The following PPM1H variants were observed in gnomAD, a reference collection of about 807,000 sequenced individuals.
PPM1H encodes the protein protein phosphatase, Mg2+/Mn2+ dependent 1H, also known as protein phosphatase 1H.
In PPM1H, 27 loss-of-function variants were observed where a neutral mutation model predicts 54.9. The ratio of observed to expected loss-of-function variants is 0.49; its 90% CI spans 0.36 to 0.68. The LOEUF is 0.68. Ranked by LOEUF, PPM1H falls within the 30% of genes least tolerant of loss-of-function variation. PPM1H has a pLI of 0.00. For synonymous variants in PPM1H, 305 were observed against 270.8 expected (o/e 1.13, Z -1.24); for missense variants, 596 against 667.8 (o/e 0.89, Z 1.19).
chr12:62,747,185 C>T (rs1245374634), intron 4 of PPM1H, among the ~76,000 whole-genome samples: 2 of 151,078 alleles, frequency 1.3e-5, no homozygotes, highest in Non-Finnish European at 2.9e-5. Flanking sequence ...CTCCCAGGCT[C>T]GAGTGCAATG....
chr12:62,888,488 A>G (rs889037734), intron 1 of PPM1H, among the ~76,000 whole-genome samples: 3 of 152,176 alleles, frequency 2.0e-5, no homozygotes, highest in African/African-American at 7.2e-5. Flanking sequence ...AGGAAGAGCC[A>G]GCAAAGGAAA....
intron 9 of PPM1H, among the ~76,000 whole-genome samples, chr12:62,657,319 T>C (rs2075850272): frequency 6.6e-6 from 1 of 152,220 alleles, no homozygotes; most frequent in Non-Finnish European, 1.5e-5. Context: ...GGGGGCATAA[T>C]AGACTATTTC....
At chr12:62,819,130 CTTTTT>C (rs34661742) in intron 2 of PPM1H, among the ~76,000 whole-genome samples, 1 of 113,838 alleles carries the variant, frequency 8.8e-6, no homozygotes, top group Non-Finnish European at 1.8e-5. Flanking sequence ...CAAAACATTG[CTTTTT>C]TTTTTTTTTT....
intron 4 of PPM1H, among the ~76,000 whole-genome samples, chr12:62,785,876 A>AG (rs1012880666): frequency 6.6e-5 from 10 of 150,522 alleles, no homozygotes; most frequent in South Asian, 2.1e-4. Context: ...AAAAAAAAAA[A>AG]AGAGAGAAAA....
chr12:62,851,943 C>A lies in PPM1H; in HGVS notation c.246-19664G>T, dbSNP rs201978687. Among the ~76,000 whole-genome samples the A allele has an allele frequency of 4.0e-5, 6 of 151,190 alleles. No individual in the cohort carries two copies. In the East Asian group the frequency reaches 1.2e-3, roughly 30 times the overall value. ...AATAGGATGCTGTTAAGAGATGGGG[C>A]TTTTGGATGGCCGGGCGCGGTGGCT... On this transcript the variant is annotated intron_variant, in intron 1 of 9. Coordinates refer to ENST00000228705, the MANE Select transcript of PPM1H (RefSeq NM_020700.2).
chr12:62,782,588 G>A (rs1015502648), intron 4 of PPM1H, among the ~76,000 whole-genome samples: 2 of 152,102 alleles, frequency 1.3e-5, no homozygotes, highest in Non-Finnish European at 2.9e-5. Context: ...AAGAGCTAAT[G>A]AATGACACAT....
chr12:62,835,099 G>A (rs574929704), intron 1 of PPM1H, among the ~76,000 whole-genome samples: 106 of 152,192 alleles, frequency 7.0e-4, no homozygotes, highest in South Asian at 2.1e-3. Flanking sequence ...CTTTGGTTTC[G>A]TTTTTTGAAC....
intron 9 of PPM1H, among the ~76,000 whole-genome samples, chr12:62,664,217 G>A (rs551515455): frequency 6.6e-6 from 1 of 152,240 alleles, no homozygotes; most frequent in East Asian, 1.9e-4. Flanking sequence ...GGCATAGAGG[G>A]ATAATAGTCA....
intron 2 of PPM1H, among the ~76,000 whole-genome samples, chr12:62,803,851 T>G (rs978582581): frequency 2.0e-5 from 3 of 152,102 alleles, no homozygotes; most frequent in African/African-American, 7.2e-5. Flanking sequence ...CCTACAATTC[T>G]ATTGCAAACA....
At chr12:62,782,492 T>C (rs1282101210) in intron 4 of PPM1H, among the ~76,000 whole-genome samples, 1 of 152,120 alleles carries the variant, frequency 6.6e-6, no homozygotes, top group Non-Finnish European at 1.5e-5. Context: ...TGTGGAAAAC[T>C]AAAAAGGAGT....
intron 1 of PPM1H, among the ~76,000 whole-genome samples, chr12:62,864,066 G>A (rs1363134338): frequency 6.6e-6 from 1 of 152,224 alleles, no homozygotes; most frequent in Non-Finnish European, 1.5e-5. Context: ...GACAATGTCT[G>A]AAGACAGTTT....
intron 1 of PPM1H, among the ~76,000 whole-genome samples, chr12:62,933,144 G>C (rs982534739): frequency 3.9e-5 from 6 of 152,054 alleles, no homozygotes; most frequent in Admixed American, 2.0e-4. Flanking sequence ...AATTTTTACT[G>C]TCTGAGCTCC....
rs1259692398 is a variant in PPM1H, at chr12:62,928,513, A to ACTC, written c.245+5978_245+5979insGAG. ...AAGTCAGAATGAAAATCACAGTTAAATAACTGCAGTCCCACCTACTCTCTC... is the reference window on the plus strand; with the variant it reads ...AAGTCAGAATGAAAATCACAGTTAAACTCTAACTGCAGTCCCACCTACTCTCTC... On this transcript the variant is annotated intron_variant, in intron 1 of 9. Coordinates refer to ENST00000228705, the MANE Select transcript of PPM1H (RefSeq NM_020700.2). Among the ~76,000 whole-genome samples, 5 of 152,188 alleles carry ACTC rather than the reference A, an allele frequency of 3.3e-5. No individual in the cohort carries two copies. The East Asian group carries it at 9.6e-4, about 29-fold the overall frequency.
chr12:62,934,417 G>T lies in PPM1H; in HGVS notation c.245+75C>A. ...GAGAGCCCTGAGGCCGAGAAGCAGGGAGAGAAGAGGGCTGGAACCGTGCGG... is the reference window on the plus strand; with the variant it reads ...GAGAGCCCTGAGGCCGAGAAGCAGGTAGAGAAGAGGGCTGGAACCGTGCGG... On this transcript the variant is annotated intron_variant, in intron 1 of 9. Transcript: ENST00000228705. This position sits in a 1 kb window ranked among gnomAD's most constrained non-coding sequence, Gnocchi z 4.2. 1 of 1,414,820 alleles carries T rather than the reference G, an allele frequency of 7.1e-7. No individual in the cohort carries two copies. 87.6% of individuals were successfully genotyped at this position (1,414,820 alleles called of 1,614,324 possible).
At chr12:62,864,559 A>G (rs1869710723) in intron 1 of PPM1H, among the ~76,000 whole-genome samples, 1 of 152,258 alleles carries the variant, frequency 6.6e-6, no homozygotes, top group African/African-American at 2.4e-5. Flanking sequence ...TTTATGTTGC[A>G]GGAACAAAAT....
chr12:62,770,127 TA>T lies in PPM1H; in HGVS notation c.869+18098del, dbSNP rs550674476. ...TTAATAAATTGGGGTCCCTAGTTTT[TA>T]TTTTTTTTCCACCTGGGGGATAATA... On this transcript the variant is annotated intron_variant, in intron 4 of 9. Coordinates refer to ENST00000228705, the MANE Select transcript of PPM1H (RefSeq NM_020700.2). Among the ~76,000 whole-genome samples, 114 of 152,244 alleles carry T rather than the reference TA, an allele frequency of 7.5e-4. No individual in the cohort carries two copies. The South Asian group carries it at 0.019, about 26-fold the overall frequency.
intron 5 of PPM1H, among the ~76,000 whole-genome samples, chr12:62,725,450 C>T (rs987325267): frequency 1.9e-4 from 29 of 152,208 alleles, no homozygotes; most frequent in African/African-American, 6.8e-4. Context: ...CACAGGGATA[C>T]AGAAGAATCT....
At chr12:62,820,883 C>T (rs2076899062) in intron 2 of PPM1H, among the ~76,000 whole-genome samples, 1 of 152,182 alleles carries the variant, frequency 6.6e-6, no homozygotes, top group African/African-American at 2.4e-5. Context: ...ATCACAGCTC[C>T]TCTCCAGCAA....
At chr12:62,706,466 C>A (rs2076174880) in intron 6 of PPM1H, among the ~76,000 whole-genome samples, 1 of 152,244 alleles carries the variant, frequency 6.6e-6, no homozygotes, top group Non-Finnish European at 1.5e-5. Context: ...AAATTTTCTG[C>A]TGTCACCTCA....
Sources: gnomAD v4.1 joint callset for allele counts (sites outside exome capture counted in the v4.1 genomes callset) on GRCh38, gnomAD v4.1.1 for gene constraint, Gnocchi (gnomAD v3.1) non-coding constraint, MANE v1.5 for transcripts, NCBI Gene and HGNC (gene_info 2026-07-23, HGNC 2026-07-21) for gene names.